RASSF8: variants seen among roughly 807,000 people sequenced by gnomAD.
The protein encoded by RASSF8 is ras association domain-containing protein 8.
In RASSF8, 22 loss-of-function variants were observed where a neutral mutation model predicts 48.5. The ratio of observed to expected loss-of-function variants is 0.45; its 90% CI spans 0.32 to 0.65. The LOEUF is 0.65. Ranked by LOEUF, RASSF8 falls within the 30% of genes least tolerant of loss-of-function variation. RASSF8 has a pLI of 0.03. For missense variants in RASSF8, 418 were observed against 489.2 expected (o/e 0.85, Z 1.37); for synonymous variants, 127 against 171.5 (o/e 0.74, Z 2.03).
intron 2 of RASSF8, among the ~76,000 whole-genome samples, chr12:26,025,222 A>G (rs148229971): frequency 2.0e-5 from 3 of 152,190 alleles, no homozygotes; most frequent in Admixed American, 6.5e-5. Context: ...CAACATTGTG[A>G]TGGAGGTTTT....
chr12:26,052,478 G>A (rs1165064725), intron 2 of RASSF8: 2 of 152,196 alleles, frequency 1.3e-5, no homozygotes, highest in Non-Finnish European at 2.9e-5. Flanking sequence ...AACCTTTGCA[G>A]TAGAGCCTTC....
chr12:25,973,320 G>A (rs894934295), intron 1 of RASSF8, among the ~76,000 whole-genome samples: 3 of 152,002 alleles, frequency 2.0e-5, no homozygotes, highest in Admixed American at 6.6e-5. Flanking sequence ...AAGATAAATT[G>A]GCACTGTACT....
At chr12:25,992,057 CAT>C (rs1192649034) in intron 1 of RASSF8, among the ~76,000 whole-genome samples, 3 of 152,148 alleles carry the variant, frequency 2.0e-5, no homozygotes, top group Non-Finnish European at 2.9e-5. Context: ...GTTTTTCAGA[CAT>C]GTGGTAATAG....
intron 4 of RASSF8, among the ~76,000 whole-genome samples, chr12:26,066,860 T>C (rs536622259): frequency 3.2e-4 from 49 of 152,338 alleles, no homozygotes; most frequent in African/African-American, 1.2e-3. Context: ...AAAAGCTGTT[T>C]AAATAATAGG....
chr12:26,076,090 A>G (rs1944069492), downstream of RASSF8, among the ~76,000 whole-genome samples: 1 of 152,052 alleles, frequency 6.6e-6, no homozygotes, highest in South Asian at 2.1e-4. Context: ...TTTCCCATCA[A>G]TATGACAGCA....
At chr12:25,963,947 A>C (rs906254961) in intron 1 of RASSF8, among the ~76,000 whole-genome samples, 1 of 152,216 alleles carries the variant, frequency 6.6e-6, no homozygotes, top group Non-Finnish European at 1.5e-5. Flanking sequence ...AGGCATGAGA[A>C]GAGAGAGATG....
At chr12:26,078,948 A>G (rs1944094139) in intron 5 of RASSF8, 24 of 1,293,056 alleles carry the variant, frequency 1.9e-5, no homozygotes, top group Non-Finnish European at 2.3e-5. Context: ...AAAGCTAGTA[A>G]TTGAGATCAT....
At chr12:25,974,244 C>T (rs760588104) in intron 1 of RASSF8, among the ~76,000 whole-genome samples, 1 of 151,646 alleles carries the variant, frequency 6.6e-6, no homozygotes, top group Non-Finnish European at 1.5e-5. Flanking sequence ...ATCATACAAG[C>T]GGAGGAGGTG....
Position 26,065,047 on chromosome 12 carries a change from T to C in RASSF8, c.653T>C (p.Val218Ala), listed in dbSNP as rs79831720. Residue 218 changes from valine to alanine, a missense_variant, in exon 4 of 6, where the codon GTA becomes GCA. Physicochemically the swap from Val to Ala is moderately conservative, Grantham distance 64 (BLOSUM62 0). Coordinates refer to ENST00000689635, the MANE Select transcript of RASSF8 (RefSeq NM_001394098.1). ...RLEQKIKRND[V>A]EIEEEEFWEN... ...GAGCAAAAGATCAAAAGAAACGATGTAGAAATTGAGGAGGAAGAATTCTGG... is the reference window on the plus strand; with the variant it reads ...GAGCAAAAGATCAAAAGAAACGATGCAGAAATTGAGGAGGAAGAATTCTGG... 596 of 1,613,584 alleles carry C rather than the reference T, an allele frequency of 3.7e-4. 5 individuals are homozygous for C. The African/African-American group carries it at 6.8e-3, about 18-fold the overall frequency.
chr12:26,019,291 TA>T (rs1565621427), intron 2 of RASSF8, among the ~76,000 whole-genome samples: 2 of 152,112 alleles, frequency 1.3e-5, no homozygotes, highest in African/African-American at 4.8e-5. Flanking sequence ...AAAAATAATA[TA>T]GAAGCAATTT....
At position 26,071,423 on chromosome 12, in the gene RASSF8, T is replaced by C. The variant is rs1943998147; in HGVS notation, c.*2605T>C. The C allele has an allele frequency of 3.2e-6, 3 of 940,308 alleles. No individual in the cohort carries two copies. The highest frequency in any genetic ancestry group is 3.8e-6 in the Non-Finnish European group (3 of 789,002). The allele number at this position is 940,308 out of a possible 1,614,324, so 58.2% of individuals were successfully genotyped here. A position where few individuals can be genotyped will look rare whatever the true frequency, so the allele number is the denominator to read the frequency against. On this transcript the variant is annotated 3_prime_UTR_variant, in exon 6 of 6. Coordinates refer to ENST00000689635, the MANE Select transcript of RASSF8 (RefSeq NM_001394098.1). ...TTGTGTTTTTTTTAAAAAAATCATATTGCAACTTGTTTTATTGTGATTTTC... is the reference window on the plus strand; with the variant it reads ...TTGTGTTTTTTTTAAAAAAATCATACTGCAACTTGTTTTATTGTGATTTTC...
intron 1 of RASSF8, among the ~76,000 whole-genome samples, chr12:25,971,509 C>T (rs1941483286): frequency 6.6e-6 from 1 of 151,912 alleles, no homozygotes; most frequent in Admixed American, 6.6e-5. Context: ...TCTGGTCGGT[C>T]ATTAATGCTT....
Position 26,070,170 on chromosome 12 carries a change from A to G in RASSF8, c.*1352A>G, listed in dbSNP as rs190328793. On this transcript the variant is annotated 3_prime_UTR_variant, in exon 6 of 6. Transcript: ENST00000689635. ...ATTTAAAGTAGTTTTAATTCTGAAG[A>G]AGTTACATCCTCTGTATTATTTACA... 7.3e-6 allele frequency: 7 copies of G among 960,434 alleles called. No individual in the cohort carries two copies. The African/African-American group carries it at 1.2e-4, about 17-fold the overall frequency. 59.5% of individuals were successfully genotyped at this position (960,434 alleles called of 1,614,324 possible). A position where few individuals can be genotyped will look rare whatever the true frequency, so the allele number is the denominator to read the frequency against.
chr12:26,034,900 A>C (rs1943101240), intron 2 of RASSF8, among the ~76,000 whole-genome samples: 1 of 150,894 alleles, frequency 6.6e-6, no homozygotes, highest in African/African-American at 2.4e-5. Flanking sequence ...ATGCATTCTC[A>C]TTGGTTTGTT....
In RASSF8 at chr12:26,051,294, A is replaced by C. The variant is rs571342311; in HGVS notation, c.-108-3942A>C. 1.5e-3 allele frequency among the ~76,000 whole-genome samples: 235 copies of C among 152,304 alleles called. 1 individual carries two copies. Among genetic ancestry groups the C allele is most frequent in the African/African-American group, 5.5e-3 (227 of 41,568 alleles). On this transcript the variant is annotated intron_variant, in intron 2 of 5. Transcript: ENST00000689635. The stretch of plus-strand genomic sequence containing the variant: ...ACAATTGCCAAATACTTAAGTGTGT[A>C]ATATTTGAGAGTGTTAAATCACTGG...
chr12:26,002,271 A>G (rs1454500630), intron 2 of RASSF8, among the ~76,000 whole-genome samples: 3 of 151,870 alleles, frequency 2.0e-5, no homozygotes, highest in Non-Finnish European at 4.4e-5. Context: ...TGTCTCTACT[A>G]AAAATACAAA....
At chr12:26,000,288 A>G (rs923005883) in intron 2 of RASSF8, among the ~76,000 whole-genome samples, 1 of 152,202 alleles carries the variant, frequency 6.6e-6, no homozygotes, top group African/African-American at 2.4e-5. Context: ...CATATACTAG[A>G]AAAGAGTGTA....
chr12:26,043,756 C>T (rs1019264643), intron 2 of RASSF8, among the ~76,000 whole-genome samples: 3 of 152,112 alleles, frequency 2.0e-5, no homozygotes, highest in Admixed American at 6.5e-5. Context: ...AAAGAATGGA[C>T]GATTGCTATG....
At chr12:25,976,731 G>T (rs1304795499) in intron 1 of RASSF8, among the ~76,000 whole-genome samples, 2 of 152,098 alleles carry the variant, frequency 1.3e-5, no homozygotes, top group Non-Finnish European at 2.9e-5. Flanking sequence ...GCTTTGCTGG[G>T]CGTTTTGTCC....
Sources: allele counts gnomAD v4.1 joint callset (sites outside exome capture counted in the v4.1 genomes callset), GRCh38; gene constraint gnomAD v4.1.1; transcripts MANE v1.5; gene names NCBI Gene and HGNC (gene_info 2026-07-23, HGNC 2026-07-21).